The following DLGAP1 variants were observed in gnomAD, a reference collection of about 807,000 sequenced individuals.
The protein encoded by DLGAP1 is disks large-associated protein 1.
Under a neutral mutation model 90.8 loss-of-function variants are expected in DLGAP1, and 11 were observed. The ratio of observed to expected loss-of-function variants is 0.12; its 90% CI spans 0.08 to 0.20. DLGAP1 has a LOEUF of 0.20. Among genes scored for constraint, DLGAP1 ranks in the 10% least tolerant of loss-of-function variants. DLGAP1 has a pLI of 1.00. For synonymous variants in DLGAP1, 558 were observed against 540.7 expected (o/e 1.03, Z -0.44); for missense variants, 1,050 against 1,333.8 (o/e 0.79, Z 3.31).
intron 9 of DLGAP1, 68 bp from the exon 10 acceptor site, chr18:3,534,683 TTC>T: frequency 7.4e-7 from 1 of 1,348,078 alleles, no homozygotes; most frequent in Non-Finnish European, 9.8e-7. Context: ...CCTTCCTTCC[TTC>T]CTTTCTTTCT....
intron 7 of DLGAP1, among the ~76,000 whole-genome samples, chr18:3,616,794 A>G (rs2057889673): frequency 6.6e-6 from 1 of 151,920 alleles, no homozygotes; most frequent in Non-Finnish European, 1.5e-5. Flanking sequence ...AAAAAAAAAG[A>G]GGTGGACGAA....
chr18:3,807,605 A>G (rs2066627285), intron 5 of DLGAP1, among the ~76,000 whole-genome samples: 1 of 152,180 alleles, frequency 6.6e-6, no homozygotes, highest in Non-Finnish European at 1.5e-5. Flanking sequence ...AAATTATTTT[A>G]AGTTTTGGGA....
intron 9 of DLGAP1, among the ~76,000 whole-genome samples, chr18:3,551,274 C>T (rs185819346): frequency 6.7e-6 from 1 of 148,668 alleles, no homozygotes; most frequent in Non-Finnish European, 1.5e-5. Context: ...TTTTTGTAAA[C>T]GAAGTCTTGC....
chr18:4,262,827 A>G (rs970400925), intron 1 of DLGAP1, among the ~76,000 whole-genome samples: 1 of 152,240 alleles, frequency 6.6e-6, no homozygotes, highest in Non-Finnish European at 1.5e-5. Flanking sequence ...CTTATGTCAT[A>G]GAATTGAGAG....
In DLGAP1 at chr18:3,771,465, G is replaced by C. The variant is rs372694272; in HGVS notation, c.1173-28953C>G. 32 of 152,434 alleles carry C rather than the reference G, an allele frequency of 2.1e-4. No homozygotes were observed. The East Asian group carries it at 6.2e-3, about 29-fold the overall frequency. The allele number at this position is 152,434 out of a possible 1,614,324, so 9.4% of individuals were successfully genotyped here. A position where few individuals can be genotyped will look rare whatever the true frequency, so the allele number is the denominator to read the frequency against. The stretch of plus-strand genomic sequence containing the variant: ...TCTGTGTTTCCCCGGAGACGCGCTC[G>C]GCCCGGGGGCGGGTGGCGGCGTCAG... On this transcript the variant is annotated intron_variant, in intron 5 of 12. Transcript: ENST00000315677.
intron 2 of DLGAP1, among the ~76,000 whole-genome samples, chr18:4,087,067 A>T (rs1568388211): frequency 1.2e-5 from 1 of 80,214 alleles, no homozygotes; most frequent in African/African-American, 5.1e-5. Flanking sequence ...ATATACACAC[A>T]CTTATATATA....
At chr18:3,580,889 G>T (rs182038178) in intron 8 of DLGAP1, 1 of 872,330 alleles carries the variant, frequency 1.1e-6, no homozygotes, top group South Asian at 1.5e-5. Context: ...AGTAGCGTCT[G>T]CCCTGAGCTG....
At chr18:4,091,347 G>A (rs781433959) in intron 2 of DLGAP1, among the ~76,000 whole-genome samples, 1 of 152,164 alleles carries the variant, frequency 6.6e-6, no homozygotes, top group Non-Finnish European at 1.5e-5. Context: ...GTGTAGGTGT[G>A]TGGATTTCTT....
At position 4,311,627 on chromosome 18, in the gene DLGAP1, C is replaced by T. The variant is rs575180066; in HGVS notation, c.-267+143379G>A. On this transcript the variant is annotated intron_variant, in intron 1 of 12. Transcript: ENST00000315677. ...CCATTAGTGGATCATTGAGCATTTC[C>T]TCTTCTTGAACATTTTCAGTAGTGT... Among the ~76,000 whole-genome samples, 155 of 152,118 alleles carry T rather than the reference C, an allele frequency of 1.0e-3. 1 individual carries two copies. Among genetic ancestry groups the T allele is most frequent in the Non-Finnish European group, 1.5e-3 (102 of 67,986 alleles).
At chr18:3,572,313 G>A (rs143450956) in intron 8 of DLGAP1, among the ~76,000 whole-genome samples, 1 of 151,912 alleles carries the variant, frequency 6.6e-6, no homozygotes, top group African/African-American at 2.4e-5. Flanking sequence ...GTCTTGGCCA[G>A]TAAAGGCAAA....
intron 3 of DLGAP1, among the ~76,000 whole-genome samples, chr18:3,942,423 G>A (rs1478528850): frequency 2.0e-5 from 3 of 152,218 alleles, no homozygotes; most frequent in Admixed American, 1.3e-4. Context: ...CTCCAGCCTC[G>A]GAGGGGAAAG....
intron 3 of DLGAP1, among the ~76,000 whole-genome samples, chr18:3,919,961 C>A (rs8085731): frequency 1.1e-4 from 16 of 152,290 alleles, no homozygotes; most frequent in African/African-American, 3.9e-4. Flanking sequence ...AGTCATCTCC[C>A]AGATGGATTT....
chr18:4,196,179 T>G (rs1441569338), intron 1 of DLGAP1, among the ~76,000 whole-genome samples: 1 of 152,148 alleles, frequency 6.6e-6, no homozygotes, highest in African/African-American at 2.4e-5. Context: ...GCAGGGTGTC[T>G]ACTCTTACGG....
At chr18:3,748,334 A>T (rs2063357787) in intron 5 of DLGAP1, among the ~76,000 whole-genome samples, 1 of 152,236 alleles carries the variant, frequency 6.6e-6, no homozygotes. Context: ...TCATCAGACC[A>T]CAAAGTTTTA....
At chr18:3,874,868 C>A in intron 4 of DLGAP1, 1 of 981,496 alleles carries the variant, frequency 1.0e-6, no homozygotes, top group Non-Finnish European at 1.4e-6. Flanking sequence ...ACTTATCACT[C>A]ATAATACAAT....
At chr18:3,692,085 A>G (rs1405816985) in intron 7 of DLGAP1, among the ~76,000 whole-genome samples, 1 of 152,198 alleles carries the variant, frequency 6.6e-6, no homozygotes, top group Admixed American at 6.5e-5. Flanking sequence ...TAATCAAGAA[A>G]GAGCTATCCT....
intron 4 of DLGAP1, among the ~76,000 whole-genome samples, chr18:3,858,776 A>C (rs2069840634): frequency 6.6e-6 from 1 of 152,162 alleles, no homozygotes; most frequent in African/African-American, 2.4e-5. Flanking sequence ...TGCTCTAAAA[A>C]GCTTACTAAA....
chr18:4,001,258 G>A (rs1338863636), intron 3 of DLGAP1, among the ~76,000 whole-genome samples: 4 of 150,762 alleles, frequency 2.7e-5, no homozygotes, highest in Non-Finnish European at 5.9e-5. Context: ...TCCTTTTGAA[G>A]TCTTTGTTTT....
chr18:4,236,037 T>C (rs1568464790), intron 1 of DLGAP1, among the ~76,000 whole-genome samples: 2 of 152,102 alleles, frequency 1.3e-5, no homozygotes, highest in Non-Finnish European at 2.9e-5. Context: ...CAATGTTTTT[T>C]CTCTATCTTC....
Sources: allele counts gnomAD v4.1 joint callset (sites outside exome capture counted in the v4.1 genomes callset), GRCh38; gene constraint gnomAD v4.1.1; transcripts MANE v1.5; gene names NCBI Gene and HGNC (gene_info 2026-07-23, HGNC 2026-07-21).